TMEM237: variants seen among roughly 807,000 people sequenced by gnomAD.
TMEM237 encodes transmembrane protein 237.
In TMEM237, 51 loss-of-function variants were observed where a neutral mutation model predicts 59.1. That is an observed-to-expected ratio of 0.86 (90% CI 0.69 to 1.09). The LOEUF (loss-of-function observed/expected upper bound fraction) is 1.09. Ranked by LOEUF, TMEM237 falls within the 50% of genes least tolerant of loss-of-function variation. The pLI, the probability that TMEM237 is intolerant of heterozygous loss-of-function variation, is 0.00. For synonymous variants in TMEM237, 140 were observed against 166.1 expected (o/e 0.84, Z 1.21); for missense variants, 475 against 478.3 (o/e 0.99, Z 0.06).
chr2:201,638,740 TG>T, intron 4 of TMEM237: 1 of 511,442 alleles, frequency 2.0e-6, no homozygotes, highest in East Asian at 3.3e-5. Flanking sequence ...AGGAATATCA[TG>T]GAAATAGGAG....
At chr2:201,631,943 G>A in intron 7 of TMEM237, 108 bp downstream of exon 7, 3 of 1,180,796 alleles carry the variant, frequency 2.5e-6, no homozygotes, top group South Asian at 1.5e-5. Flanking sequence ...TGTATAAATT[G>A]TTGTACACAG....
At chr2:201,637,496 C>T (rs2105902695) in intron 4 of TMEM237, among the ~76,000 whole-genome samples, 1 of 152,288 alleles carries the variant, frequency 6.6e-6, no homozygotes, top group East Asian at 1.9e-4. Context: ...GGAATCCCAG[C>T]ACTTTGGGAG....
intron 9 of TMEM237, among the ~76,000 whole-genome samples, chr2:201,628,465 G>T (rs1227227001): frequency 1.3e-5 from 2 of 152,024 alleles, no homozygotes; most frequent in African/African-American, 4.8e-5. Flanking sequence ...CTCTAACTCG[G>T]TGGATTTTTT....
chr2:201,642,646 G>A (rs754025318), intron 1 of TMEM237: 2 of 1,607,874 alleles, frequency 1.2e-6, no homozygotes, highest in South Asian at 1.1e-5. Context: ...AGCCGGCCTC[G>A]GCGGCCGCCG....
intron 7 of TMEM237, chr2:201,630,939 A>C (rs1489605782): frequency 1.3e-5 from 2 of 152,172 alleles, no homozygotes; most frequent in Admixed American, 1.3e-4. Flanking sequence ...CTAAATTGTA[A>C]ATTTTAAGGA....
At chr2:201,627,522 A>C in intron 10 of TMEM237, 108 bp from the exon 11 acceptor site, 1 of 696,498 alleles carries the variant, frequency 1.4e-6, no homozygotes. Flanking sequence ...TGATGATATA[A>C]AAGAAATTTA....
In TMEM237 at chr2:201,623,302, CAT is replaced by C; in HGVS notation, c.*951_*952del. On this transcript the variant is annotated 3_prime_UTR_variant, in exon 13 of 13. Coordinates refer to ENST00000409883, the MANE Select transcript of TMEM237 (RefSeq NM_001044385.3). ...CTCCTCAACTTGAGCTTTAGGGTCT[CAT>C]ATACAACAGCTGAGGTACCATTGGA... is the stretch of plus-strand genomic sequence containing the variant. 1 of 379,986 alleles carries C rather than the reference CAT, an allele frequency of 2.6e-6. No homozygotes were observed. The highest frequency in any genetic ancestry group is 2.1e-5 in the South Asian group (1 of 47,086). The allele number at this position is 379,986 out of a possible 1,614,324, so 23.5% of individuals were successfully genotyped here. A position where few individuals can be genotyped will look rare whatever the true frequency, so the allele number is the denominator to read the frequency against.
intron 12 of TMEM237, among the ~76,000 whole-genome samples, chr2:201,625,019 T>C (rs534115918): frequency 4.9e-4 from 74 of 152,238 alleles, no homozygotes; most frequent in African/African-American, 1.8e-3. Context: ...AGGTTGTAAA[T>C]AGTTGGTCAA....
chr2:201,638,684 T>G (rs1687349289), intron 4 of TMEM237: 1 of 350,550 alleles, frequency 2.9e-6, no homozygotes. Flanking sequence ...CAATCATAGC[T>G]TAAAACCATG....
At chr2:201,631,987 G>T in intron 7 of TMEM237, 64 bp downstream of exon 7, 1 of 1,546,452 alleles carries the variant, frequency 6.5e-7, no homozygotes, top group Non-Finnish European at 8.8e-7. Flanking sequence ...ATTTCCAGAA[G>T]TATAAAGGAT....
intron 11 of TMEM237, among the ~76,000 whole-genome samples, chr2:201,626,476 T>C (rs887778773): frequency 1.1e-4 from 16 of 148,456 alleles, no homozygotes; most frequent in Admixed American, 8.9e-4. Flanking sequence ...CTTTACCTAA[T>C]GTCCCTAGCC....
intron 11 of TMEM237, 146 bp from the exon 12 acceptor site, chr2:201,626,293 T>A (rs1352354598): frequency 1.2e-6 from 1 of 836,230 alleles, no homozygotes; most frequent in Non-Finnish European, 1.8e-6. Context: ...AATTTCCCTG[T>A]AAAATATACC....
At position 201,621,689 on chromosome 2, in the gene TMEM237, C is replaced by T. The variant is rs1957709543; in HGVS notation, c.*2566G>A. On this transcript the variant is annotated 3_prime_UTR_variant, in exon 13 of 13. Coordinates refer to ENST00000409883, the MANE Select transcript of TMEM237 (RefSeq NM_001044385.3). ...GTACCTGGCCAAGGGCTCTGATCAG[C>T]AAGGTGCCCCTGTGTTATCTACCCA... is the stretch of plus-strand genomic sequence containing the variant. 1 of 152,618 alleles carries T rather than the reference C, an allele frequency of 6.6e-6. No homozygotes were observed. 9.5% of individuals were successfully genotyped at this position (152,618 alleles called of 1,614,324 possible). A position where few individuals can be genotyped will look rare whatever the true frequency, so the allele number is the denominator to read the frequency against.
chr2:201,637,465 T>C (rs543437652), intron 4 of TMEM237, among the ~76,000 whole-genome samples: 1 of 152,154 alleles, frequency 6.6e-6, no homozygotes, highest in Non-Finnish European at 1.5e-5. Context: ...GAAATTGCAC[T>C]GGGTGCAGTG....
intron 1 of TMEM237, chr2:201,642,956 C>T: frequency 7.6e-7 from 1 of 1,315,858 alleles, no homozygotes; most frequent in Non-Finnish European, 9.6e-7. Flanking sequence ...CGGGGCGTGA[C>T]GGAAGACCTT....
chr2:201,638,750 A>C (rs1273281021), intron 4 of TMEM237: 11 of 526,814 alleles, frequency 2.1e-5, no homozygotes, highest in Middle Eastern at 4.8e-4. Flanking sequence ...TGGAAATAGG[A>C]GCTTAGATGG....
intron 1 of TMEM237, 42 bp from the exon 2 acceptor site, chr2:201,640,966 G>A (rs764051469): frequency 6.4e-7 from 1 of 1,572,768 alleles, no homozygotes; most frequent in South Asian, 1.2e-5. Flanking sequence ...TAAAAGCCTA[G>A]AGCATCTTTA....
At chr2:201,629,601 AT>A (rs1365927699) in intron 8 of TMEM237, 127 bp downstream of exon 8, 1 of 1,377,970 alleles carries the variant, frequency 7.3e-7, no homozygotes, top group Non-Finnish European at 9.7e-7. Flanking sequence ...TGTTTAAAAA[AT>A]ATACCTACCT....
chr2:201,641,312 CTGT>C (rs939715592), intron 1 of TMEM237, among the ~76,000 whole-genome samples: 5 of 152,114 alleles, frequency 3.3e-5, no homozygotes, highest in Non-Finnish European at 7.4e-5. Flanking sequence ...TTTCAAAAGT[CTGT>C]TGTTCAGACA....
Sources: gnomAD v4.1 joint callset for allele counts (sites outside exome capture counted in the v4.1 genomes callset) on GRCh38, gnomAD v4.1.1 for gene constraint, MANE v1.5 for transcripts, NCBI Gene and HGNC (gene_info 2026-07-23, HGNC 2026-07-21) for gene names.